Variants in REDIC1 observed in about 807,000 individuals in gnomAD.
REDIC1 encodes the protein HEI10 Interacting Protein 1.
At chr12:39,792,786 G>T in the REDIC1 span, among the ~76,000 whole-genome samples, 1 of 130,618 alleles carries the variant, frequency 7.7e-6, no homozygotes, top group South Asian at 2.9e-4. Flanking sequence ...TGATATGGAG[G>T]GCTGGCTGTA....
the REDIC1 span, among the ~76,000 whole-genome samples, chr12:39,761,972 G>C: frequency 6.6e-6 from 1 of 152,174 alleles, no homozygotes; most frequent in African/African-American, 2.4e-5. Flanking sequence ...AAAAACATTT[G>C]TTGGGTTAGG....
At chr12:39,812,246 A>G in the REDIC1 span, among the ~76,000 whole-genome samples, 2 of 152,106 alleles carry the variant, frequency 1.3e-5, no homozygotes, top group African/African-American at 4.8e-5. Flanking sequence ...TTATAAAGGC[A>G]CTTATCCCAT....
At chr12:39,646,759 C>T in the REDIC1 span, 9 of 909,668 alleles carry the variant, frequency 9.9e-6, no homozygotes, top group African/African-American at 1.4e-4. Context: ...TTGTGTAGAA[C>T]AGTATGAATT....
the REDIC1 span, among the ~76,000 whole-genome samples, chr12:39,744,159 T>C: frequency 1.3e-5 from 2 of 152,180 alleles, no homozygotes; most frequent in South Asian, 4.1e-4. Context: ...TCAGAAACCA[T>C]GCAAGCATGA....
the REDIC1 span, chr12:39,760,333 T>C: frequency 7.5e-7 from 1 of 1,337,154 alleles, no homozygotes; most frequent in South Asian, 1.4e-5. Context: ...ATTTTGACTT[T>C]TTTTTTCTGG....
the REDIC1 span, among the ~76,000 whole-genome samples, chr12:39,905,642 A>G: frequency 7.4e-4 from 112 of 152,196 alleles, no homozygotes; most frequent in African/African-American, 2.6e-3. Flanking sequence ...TTAATATAGG[A>G]TGCTATCCTT....
At chr12:39,782,286 C>T in the REDIC1 span, among the ~76,000 whole-genome samples, 5 of 152,154 alleles carry the variant, frequency 3.3e-5, no homozygotes, top group African/African-American at 1.2e-4. Context: ...AATTGTATCT[C>T]TCAGAATTCC....
the REDIC1 span, among the ~76,000 whole-genome samples, chr12:39,713,325 T>C: frequency 0.027 from 3,698 of 135,564 alleles, 132 homozygotes; most frequent in South Asian, 0.064. Flanking sequence ...TATATGTGTA[T>C]ACACATATAC....
chr12:39,876,934 T>C, the REDIC1 span, among the ~76,000 whole-genome samples: 2,514 of 152,310 alleles, frequency 0.017, 78 homozygotes, highest in African/African-American at 0.055. Context: ...GTTTATTGAC[T>C]GTAAGACCTT....
chr12:39,720,982 G>A, the REDIC1 span: 22 of 1,613,700 alleles, frequency 1.4e-5, no homozygotes, highest in Non-Finnish European at 1.7e-5. Context: ...AAATAATACA[G>A]ATCAGTTTCC....
the REDIC1 span, chr12:39,643,799 G>T: frequency 6.5e-7 from 1 of 1,543,404 alleles, no homozygotes; most frequent in Non-Finnish European, 8.9e-7. Flanking sequence ...AAAAACACAG[G>T]TTAAAATCAA....
the REDIC1 span, chr12:39,683,188 C>G: frequency 6.8e-7 from 1 of 1,473,342 alleles, no homozygotes; most frequent in Non-Finnish European, 9.1e-7. Context: ...TTTTTTCTTT[C>G]AGTTTTAGTA....
the REDIC1 span, among the ~76,000 whole-genome samples, chr12:39,899,210 G>A: frequency 6.6e-6 from 1 of 152,166 alleles, no homozygotes; most frequent in African/African-American, 2.4e-5. Flanking sequence ...TTAGTCTTGG[G>A]AGGGTGTATG....
chr12:39,837,257 T>C, the REDIC1 span, among the ~76,000 whole-genome samples: 5 of 150,702 alleles, frequency 3.3e-5, 1 homozygote, highest in African/African-American at 1.2e-4. Flanking sequence ...CCCTATTTAA[T>C]AAATGGTGCT....
At chr12:39,884,644 C>T in the REDIC1 span, among the ~76,000 whole-genome samples, 891 of 152,216 alleles carry the variant, frequency 5.9e-3, 10 homozygotes, top group African/African-American at 0.021. Flanking sequence ...GCCCATAACA[C>T]TGAGGGTGAC....
the REDIC1 span, among the ~76,000 whole-genome samples, chr12:39,804,942 C>G: frequency 1.8e-4 from 24 of 133,502 alleles, no homozygotes; most frequent in African/African-American, 6.5e-4. Context: ...AAACACTCTG[C>G]AGATACCTGA....
At chr12:39,826,324 T>G in the REDIC1 span, among the ~76,000 whole-genome samples, 1 of 151,996 alleles carries the variant, frequency 6.6e-6, no homozygotes, top group African/African-American at 2.4e-5. Flanking sequence ...AACCTTTCTG[T>G]GACTGTCTCC....
At chr12:39,864,744 A>C in the REDIC1 span, 1 of 1,611,608 alleles carries the variant, frequency 6.2e-7, no homozygotes, top group Non-Finnish European at 8.5e-7. Context: ...AAGGAAGAAG[A>C]ACATAATGGA....
chr12:39,861,679 AAT>A, the REDIC1 span, among the ~76,000 whole-genome samples: 2 of 152,216 alleles, frequency 1.3e-5, no homozygotes, highest in African/African-American at 2.4e-5. Flanking sequence ...GAAAAAAAGA[AAT>A]ATGTGTGTGA....
Sources: gnomAD v4.1 joint callset for allele counts (sites outside exome capture counted in the v4.1 genomes callset) on GRCh38, gnomAD v4.1.1 for gene constraint, MANE v1.5 for transcripts, NCBI Gene and HGNC (gene_info 2026-07-23, HGNC 2026-07-21) for gene names.